KLF7: variants seen among roughly 807,000 people sequenced by gnomAD.
KLF7 encodes Krueppel-like factor 7.
A neutral mutation model predicts 27.3 loss-of-function variants in KLF7; 2 were observed. That is an observed-to-expected ratio of 0.07 (90% CI 0.03 to 0.23). The LOEUF is 0.23. Ranked by LOEUF, KLF7 falls within the 10% of genes least tolerant of loss-of-function variation. KLF7 has a pLI of 1.00. For missense variants in KLF7, 221 were observed against 394.1 expected (o/e 0.56, Z 3.72); for synonymous variants, 165 against 162.4 (o/e 1.02, Z -0.12).
intron 1 of KLF7, among the ~76,000 whole-genome samples, chr2:207,127,021 G>C (rs2077496935): frequency 6.6e-6 from 1 of 152,124 alleles, no homozygotes; most frequent in Non-Finnish European, 1.5e-5. Flanking sequence ...TTCATATTCA[G>C]AAGAGATCTG....
chr2:207,085,164 GAAAAAAAAAAAAA>G (rs1015691241), intron 3 of KLF7, among the ~76,000 whole-genome samples: 77 of 22,998 alleles, frequency 3.3e-3, no homozygotes, highest in African/African-American at 0.012. Context: ...TGTCTCAAAT[GAAAAAAAAAAAAA>G]AAAAAAAAAA....
At chr2:207,149,014 G>A in intron 1 of KLF7, 1 of 1,163,530 alleles carries the variant, frequency 8.6e-7, no homozygotes, top group Non-Finnish European at 1.1e-6. Flanking sequence ...TTTTGTTCAA[G>A]ACAACAAAAA....
intron 2 of KLF7, among the ~76,000 whole-genome samples, chr2:207,117,565 C>G (rs2077222950): frequency 6.6e-6 from 1 of 152,078 alleles, no homozygotes; most frequent in African/African-American, 2.4e-5. Flanking sequence ...TATTAAAGGC[C>G]CTTTAATGTC....
At chr2:207,125,087 AG>A (rs1157654584) in intron 1 of KLF7, among the ~76,000 whole-genome samples, 1 of 152,260 alleles carries the variant, frequency 6.6e-6, no homozygotes, top group African/African-American at 2.4e-5. Context: ...CTTTGTGGCA[AG>A]GGGCATAAAT....
intron 2 of KLF7, among the ~76,000 whole-genome samples, chr2:207,104,576 C>A (rs1447148424): frequency 6.6e-6 from 1 of 152,164 alleles, no homozygotes; most frequent in Non-Finnish European, 1.5e-5. Flanking sequence ...ATATTCTGTC[C>A]TCTAATTCTC....
At chr2:207,082,254 A>C (rs1391882727) in intron 3 of KLF7, among the ~76,000 whole-genome samples, 1 of 152,172 alleles carries the variant, frequency 6.6e-6, no homozygotes, top group Non-Finnish European at 1.5e-5. Flanking sequence ...GGCCAATGAG[A>C]ACCAGCCCTG....
intron 2 of KLF7, among the ~76,000 whole-genome samples, chr2:207,108,909 C>T (rs931485230): frequency 7.9e-5 from 12 of 152,206 alleles, no homozygotes; most frequent in African/African-American, 2.9e-4. Context: ...CCTAGCAAAG[C>T]TCTGGTGTAA....
chr2:207,135,819 GAAAA>G (rs3216675), intron 1 of KLF7, among the ~76,000 whole-genome samples: 4 of 145,234 alleles, frequency 2.8e-5, no homozygotes, highest in Non-Finnish European at 6.1e-5. Flanking sequence ...TTTTCATTTG[GAAAA>G]AAAAAAAATT....
rs544186760 is a variant in KLF7, at chr2:207,158,030, G to A, written c.102+7437C>T. 8.5e-5 allele frequency among the ~76,000 whole-genome samples: 13 copies of A among 152,138 alleles called. No individual in the cohort carries two copies. In the South Asian group the frequency reaches 2.5e-3, roughly 29 times the overall value. ...TGCTTATTTCTGGTTAGAAAAAAAT[G>A]AGGGCCTGAAACCCAGGGAAATATC... On this transcript the variant is annotated intron_variant, in intron 1 of 3. Coordinates refer to ENST00000309446, the MANE Select transcript of KLF7 (RefSeq NM_003709.4).
chr2:207,167,334 A>C, upstream of KLF7: 4 of 372,894 alleles, frequency 1.1e-5, no homozygotes, highest in Non-Finnish European at 1.4e-5. Context: ...CTTCCCCAAA[A>C]TGCGCTGTGA....
intron 2 of KLF7, among the ~76,000 whole-genome samples, chr2:207,096,659 C>T (rs2076637022): frequency 6.6e-6 from 1 of 152,104 alleles, no homozygotes; most frequent in Non-Finnish European, 1.5e-5. Context: ...TGATCCCCAC[C>T]CCACCCCCAA....
At chr2:207,127,110 G>A (rs989837003) in intron 1 of KLF7, among the ~76,000 whole-genome samples, 1 of 151,952 alleles carries the variant, frequency 6.6e-6, no homozygotes. Context: ...ATGCCCTGGT[G>A]TGAACTGCAG....
At position 207,081,236 on chromosome 2, in the gene KLF7, G is replaced by C. The variant is rs1311979125; in HGVS notation, c.886C>G (p.Leu296Val). The change falls in exon 4 of 4, where the codon CTC becomes GTC. Residue 296 changes from leucine (L) to valine (V), a missense_variant. Physicochemically the swap from Leu to Val is conservative, Grantham distance 32. Around this residue, in one of 3 missense-constraint regions of KLF7, gnomAD observed 30 missense variants for 115.4 expected, o/e 0.26. Transcript: ENST00000309446. ...RCFSRSDHLA[L>V]HMKRHI Reference sequence around the variant, plus strand: ...TTTTAGATATGTCTCTTCATGTGGAGGGCAAGATGGTCAGACCTGGAAAAA... The same window carrying C: ...TTTTAGATATGTCTCTTCATGTGGACGGCAAGATGGTCAGACCTGGAAAAA... 8 of 1,613,954 alleles carry C rather than the reference G, an allele frequency of 5.0e-6. No homozygotes were observed.
At chr2:207,127,466 C>A (rs1315101169) in intron 1 of KLF7, among the ~76,000 whole-genome samples, 10 of 152,130 alleles carry the variant, frequency 6.6e-5, no homozygotes, top group Admixed American at 3.9e-4. Context: ...GAGGAGGATT[C>A]TAATATTAGA....
At chr2:207,094,156 G>C in intron 2 of KLF7, among the ~76,000 whole-genome samples, 1 of 152,218 alleles carries the variant, frequency 6.6e-6, no homozygotes, top group Non-Finnish European at 1.5e-5. Flanking sequence ...AAGATAGAGA[G>C]TGTAGCATAA....
chr2:207,093,799 C>T (rs987338589), intron 2 of KLF7, among the ~76,000 whole-genome samples: 8 of 152,340 alleles, frequency 5.3e-5, no homozygotes, highest in African/African-American at 1.9e-4. Context: ...TGTGTGATTT[C>T]CAGTCCCTCA....
chr2:207,144,208 G>C (rs1161194802), intron 1 of KLF7, among the ~76,000 whole-genome samples: 3 of 152,196 alleles, frequency 2.0e-5, no homozygotes, highest in African/African-American at 7.2e-5. Context: ...GCAAAGGCTG[G>C]GTGGCAGAGA....
At chr2:207,130,561 G>C (rs1034191069) in intron 1 of KLF7, among the ~76,000 whole-genome samples, 1 of 152,164 alleles carries the variant, frequency 6.6e-6, no homozygotes, top group African/African-American at 2.4e-5. Flanking sequence ...GGAAGAGCTA[G>C]AACTTTCTGA....
At chr2:207,088,184 C>T (rs930254670) in intron 3 of KLF7, among the ~76,000 whole-genome samples, 2 of 152,204 alleles carry the variant, frequency 1.3e-5, no homozygotes, top group Non-Finnish European at 2.9e-5. Flanking sequence ...TCTGTCACAT[C>T]TTGTTGATAC....
Sources: gnomAD v4.1 joint callset for allele counts (sites outside exome capture counted in the v4.1 genomes callset) on GRCh38, gnomAD v4.1.1 for gene constraint, gnomAD v4.1.1 regional missense constraint, MANE v1.5 for transcripts, NCBI Gene and HGNC (gene_info 2026-07-23, HGNC 2026-07-21) for gene names.